The following CSMD1 variants were observed in gnomAD, a reference collection of about 807,000 sequenced individuals.
The protein encoded by CSMD1 is CUB and Sushi multiple domains 1, also known as CUB and sushi domain-containing protein 1.
Under a neutral mutation model 417.5 loss-of-function variants are expected in CSMD1, and 213 were observed. The ratio of observed to expected loss-of-function variants is 0.51; its 90% CI spans 0.46 to 0.57. The LOEUF is 0.57. Ranked by LOEUF, CSMD1 falls within the 20% of genes least tolerant of loss-of-function variation. CSMD1 has a pLI of 0.00. For missense variants in CSMD1, 6,923 were observed against 4,529.7 expected, an observed-to-expected ratio of 1.53 and a Z score of -15.17; for synonymous variants, 2,862 against 1,736.8, an observed-to-expected ratio of 1.65 and a Z score of -16.11.
At chr8:3,881,592 G>A (rs57649208) in intron 5 of CSMD1, among the ~76,000 whole-genome samples, 6,293 of 133,924 alleles carry the variant, frequency 0.047, 190 homozygotes, top group Middle Eastern at 0.089. Context: ...CTGGGTGACA[G>A]AGCAAGACTC....
chr8:3,408,476 G>A (rs1585119110), intron 13 of CSMD1, among the ~76,000 whole-genome samples: 1 of 151,024 alleles, frequency 6.6e-6, no homozygotes, highest in Non-Finnish European at 1.5e-5. Context: ...GTTCAAAAAT[G>A]ATCCTTTCCA....
chr8:3,997,919 C>T lies in CSMD1; in HGVS notation c.802G>A (p.Glu268Lys). ...GGGACTTACCATATGGATGGAGCTT[C>T]CGTGCCACTGATCTCTAAGAAATCA... ...GYDFLEISGT[E>K]APSIWLTGMN... The change falls in exon 5 of 70, where the codon GAA (glutamate) becomes AAA (lysine). Residue 268 changes from glutamate to lysine, a missense_variant. Coordinates refer to ENST00000635120, the MANE Select transcript of CSMD1 (RefSeq NM_033225.6). 2 of 1,612,222 alleles carry T rather than the reference C, an allele frequency of 1.2e-6. No individual in the cohort carries two copies. Among genetic ancestry groups the T allele is most frequent in the African/African-American group, 1.3e-5 (1 of 75,004 alleles).
intron 7 of CSMD1, among the ~76,000 whole-genome samples, chr8:3,631,097 C>T (rs1275872906): frequency 1.3e-5 from 2 of 152,148 alleles, no homozygotes; most frequent in Non-Finnish European, 1.5e-5. Context: ...CCTGTCACAG[C>T]CTGCTCAGCA....
chr8:4,273,514 A>T (rs141923199), intron 3 of CSMD1, among the ~76,000 whole-genome samples: 65 of 152,306 alleles, frequency 4.3e-4, no homozygotes, highest in African/African-American at 1.5e-3. Flanking sequence ...AGCAAATAAG[A>T]ATAGAGGACA....
chr8:3,574,930 G>A lies in CSMD1; in HGVS notation c.1344+15C>T. The A allele has an allele frequency of 1.2e-6, 2 of 1,611,230 alleles. No individual in the cohort carries two copies. Among genetic ancestry groups the A allele is most frequent in the African/African-American group, 1.3e-5 (1 of 74,948 alleles). On this transcript the variant is annotated intron_variant, in intron 10 of 69. Coordinates refer to ENST00000635120, the MANE Select transcript of CSMD1 (RefSeq NM_033225.6). Reference sequence around the variant, plus strand: ...CTGTGTGCATTAACCACAGGGGTTGGAGGCGGAGCCTTACCTTGTCCGGGT... The same window carrying A: ...CTGTGTGCATTAACCACAGGGGTTGAAGGCGGAGCCTTACCTTGTCCGGGT...
At chr8:4,242,609 C>A (rs914519064) in intron 3 of CSMD1, among the ~76,000 whole-genome samples, 1 of 152,170 alleles carries the variant, frequency 6.6e-6, no homozygotes, top group African/African-American at 2.4e-5. Context: ...ATAAACCAGA[C>A]TACTGCTAGT....
chr8:4,940,157 G>A (rs1385075022), intron 1 of CSMD1, among the ~76,000 whole-genome samples: 2 of 152,128 alleles, frequency 1.3e-5, no homozygotes, highest in Admixed American at 6.5e-5. Context: ...TCAGGGGAGT[G>A]TGGGAAGCAA....
intron 3 of CSMD1, among the ~76,000 whole-genome samples, chr8:4,223,424 G>C (rs566195027): frequency 6.6e-6 from 1 of 152,222 alleles, no homozygotes; most frequent in Non-Finnish European, 1.5e-5. Context: ...TCATCGCCAG[G>C]GATACGTGAC....
chr8:3,597,504 G>A (rs959762566), intron 8 of CSMD1, among the ~76,000 whole-genome samples: 5 of 152,102 alleles, frequency 3.3e-5, no homozygotes, highest in Admixed American at 1.3e-4. Flanking sequence ...AAATGCAGCT[G>A]AGATAAAACA....
At chr8:3,270,706 A>G (rs563463780) in intron 26 of CSMD1, among the ~76,000 whole-genome samples, 4 of 152,136 alleles carry the variant, frequency 2.6e-5, no homozygotes, top group Non-Finnish European at 5.9e-5. Flanking sequence ...ACTTTAAACT[A>G]TTTATCAACA....
At chr8:3,797,078 G>T (rs545645765) in intron 5 of CSMD1, among the ~76,000 whole-genome samples, 1 of 151,768 alleles carries the variant, frequency 6.6e-6, no homozygotes, top group Admixed American at 6.6e-5. Flanking sequence ...TATTAAGATG[G>T]ACTTCTCCTT....
chr8:4,370,977 T>C lies in CSMD1; in HGVS notation c.415+48976A>G, dbSNP rs145537697. Among the ~76,000 whole-genome samples the C allele has an allele frequency of 5.9e-3, 899 of 152,310 alleles. 12 individuals carry two copies. The highest frequency in any genetic ancestry group is 0.02 in the African/African-American group (842 of 41,564). ...CATTGCTGGCGAGCTAGTGTGATTG[T>C]TTGGAGGCAAGAAGACACACTGACC... is the stretch of plus-strand genomic sequence containing the variant. On this transcript the variant is annotated intron_variant, in intron 3 of 69. Transcript: ENST00000635120.
At chr8:4,303,702 C>G (rs750365346) in intron 3 of CSMD1, among the ~76,000 whole-genome samples, 1 of 152,064 alleles carries the variant, frequency 6.6e-6, no homozygotes, top group African/African-American at 2.4e-5. Flanking sequence ...CTTGCCCAGA[C>G]TGGAGCTCAC....
At chr8:3,477,290 G>T (rs1300941388) in intron 11 of CSMD1, among the ~76,000 whole-genome samples, 3 of 152,286 alleles carry the variant, frequency 2.0e-5, no homozygotes, top group Non-Finnish European at 2.9e-5. Flanking sequence ...ACTCATTACA[G>T]TTGAAAATTT....
intron 10 of CSMD1, among the ~76,000 whole-genome samples, chr8:3,566,620 T>C (rs539307789): frequency 6.6e-6 from 1 of 151,838 alleles, no homozygotes; most frequent in African/African-American, 2.4e-5. Flanking sequence ...TGGGCAAAGA[T>C]ATGAACAGAC....
chr8:4,296,795 A>T (rs1797712305), intron 3 of CSMD1, among the ~76,000 whole-genome samples: 1 of 151,332 alleles, frequency 6.6e-6, no homozygotes, highest in African/African-American at 2.4e-5. Context: ...GTGAAAATGA[A>T]TAGAAAATGT....
rs530606004 is a variant in CSMD1, at chr8:4,840,996, A to G, written c.85+153336T>C. On this transcript the variant is annotated intron_variant, in intron 1 of 69. Transcript: ENST00000635120. Reference sequence around the variant, plus strand: ...AGTCCGATAAGGAGCATGTCCTCTTAACTGAGCGTTTGCCGTCAGCCCCCT... The same window carrying G: ...AGTCCGATAAGGAGCATGTCCTCTTGACTGAGCGTTTGCCGTCAGCCCCCT... Among the ~76,000 whole-genome samples, 6 of 152,328 alleles carry G rather than the reference A, an allele frequency of 3.9e-5. No homozygotes were observed. The South Asian group carries it at 8.3e-4, about 21-fold the overall frequency.
chr8:3,675,914 G>C (rs763037706), intron 7 of CSMD1, among the ~76,000 whole-genome samples: 2 of 152,240 alleles, frequency 1.3e-5, no homozygotes, highest in African/African-American at 4.8e-5. Context: ...TCTCAGCACT[G>C]TCCCATCATT....
intron 1 of CSMD1, among the ~76,000 whole-genome samples, chr8:4,915,782 G>C (rs1806023837): frequency 6.6e-6 from 1 of 152,240 alleles, no homozygotes; most frequent in African/African-American, 2.4e-5. Context: ...TTTTAGCAGA[G>C]ACACTTGATG....
Sources: gnomAD v4.1 joint callset for allele counts (sites outside exome capture counted in the v4.1 genomes callset) on GRCh38, gnomAD v4.1.1 for gene constraint, MANE v1.5 for transcripts, NCBI Gene and HGNC (gene_info 2026-07-23, HGNC 2026-07-21) for gene names.